SLC24A3: variants seen among roughly 807,000 people sequenced by gnomAD.
SLC24A3 encodes solute carrier family 24 member 3, also known as sodium/potassium/calcium exchanger 3.
Under a neutral mutation model 75.8 loss-of-function variants are expected in SLC24A3, and 28 were observed. The observed-to-expected ratio is 0.37, with a 90% confidence interval of 0.27 to 0.51. The LOEUF (loss-of-function observed/expected upper bound fraction) is 0.51, where lower values mean the gene tolerates loss of function less well. Ranked by LOEUF, SLC24A3 falls within the 20% of genes least tolerant of loss-of-function variation. SLC24A3 has a pLI of 0.94. For synonymous variants in SLC24A3, 372 were observed against 334.1 expected (o/e 1.11, Z -1.24); for missense variants, 663 against 847.8 (o/e 0.78, Z 2.71).
At chr20:19,427,996 G>T (rs1987040323) in intron 2 of SLC24A3, among the ~76,000 whole-genome samples, 1 of 152,208 alleles carries the variant, frequency 6.6e-6, no homozygotes. Context: ...ACACATCAGG[G>T]ATCTTGCGTT....
chr20:19,279,422 A>G (rs1380645309), intron 1 of SLC24A3, among the ~76,000 whole-genome samples: 1 of 152,164 alleles, frequency 6.6e-6, no homozygotes, highest in East Asian at 1.9e-4. Flanking sequence ...CCATGGCCCC[A>G]TGAAGCCAGG....
chr20:19,417,345 G>A lies in SLC24A3; in HGVS notation c.272-98143G>A, dbSNP rs142874242. On this transcript the variant is annotated intron_variant, in intron 2 of 16. Coordinates refer to ENST00000328041, the MANE Select transcript of SLC24A3 (RefSeq NM_020689.4). The stretch of plus-strand genomic sequence containing the variant: ...ATCTTTGTTCTCTCCAAAAATCCAC[G>A]GAAATGATAATAACATAAAAAAAGT... Among the ~76,000 whole-genome samples, 5 of 152,196 alleles carry A rather than the reference G, an allele frequency of 3.3e-5. No homozygotes were observed. In the East Asian group the frequency reaches 7.7e-4, roughly 23 times the overall value.
intron 15 of SLC24A3, among the ~76,000 whole-genome samples, chr20:19,704,366 T>C (rs2032905234): frequency 1.3e-5 from 2 of 152,202 alleles, no homozygotes; most frequent in African/African-American, 2.4e-5. Flanking sequence ...CATGGTCTCA[T>C]CTAATCCTTC....
At chr20:19,499,848 TG>T (rs1227693141) in intron 2 of SLC24A3, among the ~76,000 whole-genome samples, 8 of 152,152 alleles carry the variant, frequency 5.3e-5, no homozygotes, top group African/African-American at 1.9e-4. Context: ...TGTACACACA[TG>T]GATTATACAT....
At chr20:19,314,354 C>A (rs1171571711) in intron 2 of SLC24A3, among the ~76,000 whole-genome samples, 1 of 139,182 alleles carries the variant, frequency 7.2e-6, no homozygotes, top group Non-Finnish European at 1.6e-5. Flanking sequence ...CAGTCCACCA[C>A]CCAGGCTGGA....
At chr20:19,433,235 C>T (rs540568518) in intron 2 of SLC24A3, among the ~76,000 whole-genome samples, 4 of 152,268 alleles carry the variant, frequency 2.6e-5, no homozygotes, top group African/African-American at 7.2e-5. Flanking sequence ...ACCAAATCCT[C>T]GTACATAAAA....
chr20:19,487,617 T>G (rs1021528249), intron 2 of SLC24A3, among the ~76,000 whole-genome samples: 6 of 152,190 alleles, frequency 3.9e-5, no homozygotes, highest in African/African-American at 1.4e-4. Context: ...GAATCCCAGC[T>G]TATTGCACAA....
intron 2 of SLC24A3, among the ~76,000 whole-genome samples, chr20:19,472,306 C>T (rs1372803562): frequency 6.6e-6 from 1 of 152,210 alleles, no homozygotes; most frequent in Non-Finnish European, 1.5e-5. Flanking sequence ...CTCTAGGGGT[C>T]CAGTGAGGCG....
intron 2 of SLC24A3, among the ~76,000 whole-genome samples, chr20:19,489,083 G>A (rs2122528095): frequency 6.6e-6 from 1 of 152,324 alleles, no homozygotes; most frequent in South Asian, 2.1e-4. Context: ...GGAAAGGAAA[G>A]CCACCCTTGG....
At chr20:19,341,861 C>G (rs544181247) in intron 2 of SLC24A3, among the ~76,000 whole-genome samples, 3 of 152,136 alleles carry the variant, frequency 2.0e-5, no homozygotes, top group Non-Finnish European at 4.4e-5. Flanking sequence ...ATGGGCAGCT[C>G]CTAGTGCCAG....
chr20:19,459,335 C>A (rs142247860), intron 2 of SLC24A3, among the ~76,000 whole-genome samples: 6 of 152,168 alleles, frequency 3.9e-5, no homozygotes, highest in Admixed American at 6.5e-5. Context: ...GCCTCTACCC[C>A]CCTTGCAATC....
chr20:19,397,237 A>G (rs1986469677), intron 2 of SLC24A3, among the ~76,000 whole-genome samples: 1 of 152,186 alleles, frequency 6.6e-6, no homozygotes, highest in Admixed American at 6.6e-5. Flanking sequence ...TAAATCATAC[A>G]TTATCTTTTT....
intron 1 of SLC24A3, among the ~76,000 whole-genome samples, chr20:19,259,428 G>A (rs913886783): frequency 6.6e-6 from 1 of 152,192 alleles, no homozygotes; most frequent in Non-Finnish European, 1.5e-5. Context: ...CACTCTGCTG[G>A]TGACAGTTCA....
At chr20:19,669,848 T>C (rs1456234344) in intron 8 of SLC24A3, among the ~76,000 whole-genome samples, 1 of 151,898 alleles carries the variant, frequency 6.6e-6, no homozygotes, top group Admixed American at 6.6e-5. Context: ...GAAGGAACCG[T>C]CTTTGGTGAG....
At chr20:19,333,262 C>T (rs1038905544) in intron 2 of SLC24A3, among the ~76,000 whole-genome samples, 17 of 152,184 alleles carry the variant, frequency 1.1e-4, no homozygotes, top group Non-Finnish European at 7.4e-5. Context: ...TGTGGTCAGA[C>T]ATTCAGTTGG....
chr20:19,712,060 C>T (rs1221280417), intron 15 of SLC24A3, among the ~76,000 whole-genome samples: 3 of 152,160 alleles, frequency 2.0e-5, no homozygotes, highest in African/African-American at 7.2e-5. Flanking sequence ...GATCCTCCCA[C>T]CTCACCCTTT....
chr20:19,373,117 A>G (rs897451196), intron 2 of SLC24A3, among the ~76,000 whole-genome samples: 6 of 151,920 alleles, frequency 3.9e-5, no homozygotes, highest in Admixed American at 3.9e-4. Context: ...TCCTCTGTCC[A>G]GGGGCTTGCA....
At chr20:19,532,346 G>A (rs1383767493) in intron 3 of SLC24A3, among the ~76,000 whole-genome samples, 3 of 152,138 alleles carry the variant, frequency 2.0e-5, no homozygotes, top group African/African-American at 7.2e-5. Flanking sequence ...GCTTGGGTCT[G>A]CCCTCACTGC....
chr20:19,395,865 G>A (rs966322155), intron 2 of SLC24A3, among the ~76,000 whole-genome samples: 1 of 152,166 alleles, frequency 6.6e-6, no homozygotes, highest in East Asian at 1.9e-4. Flanking sequence ...TTGGAGTGGG[G>A]TAGGTAGTGG....
Sources: gnomAD v4.1 joint callset for allele counts (sites outside exome capture counted in the v4.1 genomes callset) on GRCh38, gnomAD v4.1.1 for gene constraint, MANE v1.5 for transcripts, NCBI Gene and HGNC (gene_info 2026-07-23, HGNC 2026-07-21) for gene names.